Variants in GTF2B observed in about 807,000 individuals in gnomAD.
The protein encoded by GTF2B is transcription initiation factor IIB.
GTF2B carries 20 observed loss-of-function variants against 34.6 expected under a neutral mutation model. The ratio of observed to expected loss-of-function variants is 0.58; its 90% CI spans 0.41 to 0.84. The LOEUF is 0.84. GTF2B is among the 40% of genes least tolerant of loss of function. The probability of loss-of-function intolerance (pLI) is 0.00; values close to 1 mark genes in which losing one functional copy is unlikely to be tolerated. For synonymous variants in GTF2B, 142 were observed against 132.4 expected (o/e 1.07, Z -0.50); for missense variants, 237 against 393.3 (o/e 0.60, Z 3.36).
At chr1:88,882,044 T>C (rs1349242240) in intron 2 of GTF2B, among the ~76,000 whole-genome samples, 1 of 152,064 alleles carries the variant, frequency 6.6e-6, no homozygotes, top group East Asian at 1.9e-4. Flanking sequence ...GTGCCATAGC[T>C]CACGCCTGTA....
At chr1:88,860,646 A>G (rs1028353508) in intron 3 of GTF2B, among the ~76,000 whole-genome samples, 3 of 152,174 alleles carry the variant, frequency 2.0e-5, no homozygotes, top group African/African-American at 7.2e-5. Context: ...TCCACAAGAT[A>G]TTAGAGAATC....
chr1:88,865,291 AGTGC>A (rs1673523972), intron 2 of GTF2B, among the ~76,000 whole-genome samples: 1 of 152,256 alleles, frequency 6.6e-6, no homozygotes, highest in Non-Finnish European at 1.5e-5. Context: ...ACCCATGTAC[AGTGC>A]ATGTAAAGTG....
At chr1:88,871,789 T>TG (rs1673697994) in intron 2 of GTF2B, among the ~76,000 whole-genome samples, 1 of 152,152 alleles carries the variant, frequency 6.6e-6, no homozygotes, top group Admixed American at 6.5e-5. Context: ...TGGAATGCAA[T>TG]GGGGTAATCT....
intron 1 of GTF2B, among the ~76,000 whole-genome samples, chr1:88,890,256 A>C (rs1674169721): frequency 6.6e-6 from 1 of 152,194 alleles, no homozygotes; most frequent in African/African-American, 2.4e-5. Context: ...ACCCGACAGA[A>C]CAACACCCAG....
intron 6 of GTF2B, among the ~76,000 whole-genome samples, chr1:88,856,305 G>GAAAAAAAAAAAAAAA (rs1673314311): frequency 8.5e-6 from 1 of 118,226 alleles, no homozygotes; most frequent in Non-Finnish European, 1.8e-5. Flanking sequence ...AAAAAAAAAG[G>GAAAAAAAAAAAAAAA]AAAAGAAATT....
chr1:88,879,335 T>C (rs1673879305), intron 2 of GTF2B, among the ~76,000 whole-genome samples: 1 of 152,052 alleles, frequency 6.6e-6, no homozygotes, highest in African/African-American at 2.4e-5. Context: ...TCCCAGCACT[T>C]TGGGAAGCCG....
chr1:88,864,870 C>A (rs1232360413), intron 2 of GTF2B, among the ~76,000 whole-genome samples: 1 of 152,222 alleles, frequency 6.6e-6, no homozygotes, highest in African/African-American at 2.4e-5. Flanking sequence ...TTAATCTTCA[C>A]AGCCTTATAA....
intron 1 of GTF2B, among the ~76,000 whole-genome samples, chr1:88,890,215 C>T (rs1378088885): frequency 1.3e-5 from 2 of 151,088 alleles, no homozygotes; most frequent in African/African-American, 4.9e-5. Flanking sequence ...CTGGGGAGCC[C>T]AAGTTTTCCA....
intron 2 of GTF2B, among the ~76,000 whole-genome samples, chr1:88,873,182 GTTTTT>G (rs869087763): frequency 2.0e-5 from 2 of 100,446 alleles, no homozygotes; most frequent in Non-Finnish European, 1.9e-5. Context: ...ATTCCATTAA[GTTTTT>G]TTTTTTTTTT....
rs144944840 is a variant in GTF2B, at chr1:88,860,150, C to T, written c.395G>A (p.Arg132Gln). Reference protein sequence around the residue: ...TTMADRINLPRNIVDRTNNLF... With the variant: ...TTMADRINLPQNIVDRTNNLF... ...TAGACAAGAACTTACAACTATATTT[C>T]GAGGTAGATTGATTCTGTCTGCCAT... Residue 132 changes from arginine (R) to glutamine (Q), a missense_variant, in exon 4 of 7, where the codon CGA becomes CAA. Physicochemically the swap from Arg to Gln is conservative, Grantham distance 43 (BLOSUM62 1). Coordinates refer to ENST00000370500, the MANE Select transcript of GTF2B (RefSeq NM_001514.6). 6.4e-5 allele frequency: 104 copies of T among 1,613,974 alleles called. No individual in the cohort carries two copies. Among genetic ancestry groups the T allele is most frequent in the African/African-American group, 8.0e-5 (6 of 74,920 alleles).
At chr1:88,858,096 C>T (rs1468165878) in intron 5 of GTF2B, among the ~76,000 whole-genome samples, 1 of 151,928 alleles carries the variant, frequency 6.6e-6, no homozygotes, top group Non-Finnish European at 1.5e-5. Flanking sequence ...ACCTCTGCCC[C>T]CTGGGTTCAA....
chr1:88,889,726 T>C lies in GTF2B; in HGVS notation c.17+1757A>G, dbSNP rs182341556. Reference sequence around the variant, plus strand: ...GGGAAAAACATGCAAAAGGTAGAAATATTATATTTAGGCTGGGCGCAGTGG... The same window carrying C: ...GGGAAAAACATGCAAAAGGTAGAAACATTATATTTAGGCTGGGCGCAGTGG... On this transcript the variant is annotated intron_variant, in intron 1 of 6. Transcript: ENST00000370500. Among the ~76,000 whole-genome samples, 519 of 152,256 alleles carry C rather than the reference T, an allele frequency of 3.4e-3. 4 individuals carry two copies. Among genetic ancestry groups the C allele is most frequent in the African/African-American group, 0.012 (501 of 41,534 alleles).
At chr1:88,880,075 A>G (rs1673901413) in intron 2 of GTF2B, among the ~76,000 whole-genome samples, 1 of 152,168 alleles carries the variant, frequency 6.6e-6, no homozygotes, top group Admixed American at 6.5e-5. Flanking sequence ...AAAATAAAAA[A>G]GAAAAAGAAA....
intron 1 of GTF2B, chr1:88,887,610 T>C (rs1362224166): frequency 9.7e-6 from 4 of 410,920 alleles, no homozygotes; most frequent in South Asian, 2.3e-5. Context: ...AAAACATAAA[T>C]AGAAAATAAT....
At chr1:88,862,962 G>GA (rs571238071) in intron 3 of GTF2B, among the ~76,000 whole-genome samples, 1,901 of 128,558 alleles carry the variant, frequency 0.015, 22 homozygotes, top group South Asian at 0.048. Flanking sequence ...GACTTTTTTG[G>GA]AAAAAAAAAA....
At chr1:88,886,164 T>G (rs1172938461) in intron 2 of GTF2B, among the ~76,000 whole-genome samples, 2 of 152,238 alleles carry the variant, frequency 1.3e-5, no homozygotes, top group Non-Finnish European at 2.9e-5. Flanking sequence ...TGATTCTCAA[T>G]TCCTATTAGC....
intron 2 of GTF2B, among the ~76,000 whole-genome samples, chr1:88,868,055 C>T (rs1358860755): frequency 6.6e-6 from 1 of 152,164 alleles, no homozygotes; most frequent in Non-Finnish European, 1.5e-5. Flanking sequence ...GCATGAGTAA[C>T]AAGAAACAGG....
chr1:88,853,934 C>G (rs67301261), intron 6 of GTF2B, among the ~76,000 whole-genome samples: 20,384 of 152,102 alleles, frequency 0.13, 3,095 homozygotes, highest in African/African-American at 0.37. Flanking sequence ...ATTACTAGTA[C>G]TTACTACCTT....
At chr1:88,874,930 TA>T (rs56771486) in intron 2 of GTF2B, among the ~76,000 whole-genome samples, 2,312 of 145,844 alleles carry the variant, frequency 0.016, 17 homozygotes, top group Non-Finnish European at 0.02. Context: ...ACATTTAAAG[TA>T]AAAAAAAAAA....
Sources: gnomAD v4.1 joint callset for allele counts (sites outside exome capture counted in the v4.1 genomes callset) on GRCh38, gnomAD v4.1.1 for gene constraint, MANE v1.5 for transcripts, NCBI Gene and HGNC (gene_info 2026-07-23, HGNC 2026-07-21) for gene names.